CD99L2: variants seen among roughly 807,000 people sequenced by gnomAD.
CD99L2 encodes the protein CD99 molecule like 2.
In CD99L2, 24 loss-of-function variants were observed where a neutral mutation model predicts 27.3. That is an observed-to-expected ratio of 0.88 (90% CI 0.64 to 1.24). The LOEUF is 1.24. Ranked by LOEUF, CD99L2 falls within the 50% of genes most tolerant of loss-of-function variation. The pLI is 0.00. For synonymous variants in CD99L2, 97 were observed against 87.9 expected (o/e 1.10, Z -0.58); for missense variants, 255 against 221.6 (o/e 1.15, Z -0.96).
Position 150,842,622 on chromosome X carries a change from C to T in CD99L2, c.68-11329G>A, listed in dbSNP as rs781896971. Reference sequence around the variant, plus strand: ...CACTCAGTTCATCCTGAAAGTACAGCCATTCCAGTTAAGTGTTTTTGTGTG... The same window carrying T: ...CACTCAGTTCATCCTGAAAGTACAGTCATTCCAGTTAAGTGTTTTTGTGTG... On this transcript the variant is annotated intron_variant, in intron 1 of 10. Transcript: ENST00000370377. 8.0e-5 allele frequency among the ~76,000 whole-genome samples: 9 copies of T among 112,284 alleles called. No individual in the cohort carries two copies. The East Asian group carries it at 2.5e-3, about 31-fold the overall frequency.
chrX:150,766,698 C>G lies in CD99L2; in HGVS notation c.*2336G>C, dbSNP rs2043318912. ...CCCTCTCGCTTGGGACAGGCCCATG[C>G]TGGCCAGTGCAACCTTCAGATAGAC... is the stretch of plus-strand genomic sequence containing the variant. On this transcript the variant is annotated 3_prime_UTR_variant, in exon 11 of 11. Coordinates refer to ENST00000370377, the MANE Select transcript of CD99L2 (RefSeq NM_031462.4). The G allele has an allele frequency of 8.9e-6, 1 of 112,644 alleles. No individual in the cohort carries two copies. Among genetic ancestry groups the G allele is most frequent in the Non-Finnish European group, 1.9e-5 (1 of 53,358 alleles). The allele number at this position is 112,644 out of a possible 1,213,427, so 9.3% of individuals were successfully genotyped here.
intron 1 of CD99L2, among the ~76,000 whole-genome samples, chrX:150,856,817 G>GA (rs1335236173): frequency 2.4e-4 from 26 of 110,457 alleles, no homozygotes; most frequent in African/African-American, 8.2e-4. Flanking sequence ...TGATTCTAAA[G>GA]AAGTTCAGTG....
At chrX:150,860,875 C>T (rs797028410) in intron 1 of CD99L2, among the ~76,000 whole-genome samples, 4 of 110,532 alleles carry the variant, frequency 3.6e-5, no homozygotes, top group Admixed American at 9.6e-5. Flanking sequence ...TGGCCAGGCG[C>T]GGTGGCTCAT....
chrX:150,828,148 T>C (rs2046391940), intron 2 of CD99L2, among the ~76,000 whole-genome samples: 1 of 111,732 alleles, frequency 8.9e-6, no homozygotes, highest in African/African-American at 3.2e-5. Context: ...TATCCACTTC[T>C]GCAAAAAATC....
chrX:150,768,844 G>C lies in CD99L2; in HGVS notation c.*190C>G, dbSNP rs902153632. On this transcript the variant is annotated 3_prime_UTR_variant, in exon 11 of 11. Coordinates refer to ENST00000370377, the MANE Select transcript of CD99L2 (RefSeq NM_031462.4). Reference sequence around the variant, plus strand: ...GCTGGCTCTTGAATTTCGGCACCAAGTCTCAGCACGCTTGGGGCAGGGCAG... The same window carrying C: ...GCTGGCTCTTGAATTTCGGCACCAACTCTCAGCACGCTTGGGGCAGGGCAG... 48 of 949,565 alleles carry C rather than the reference G, an allele frequency of 5.1e-5. No individual in the cohort carries two copies. In the African/African-American group the frequency reaches 8.6e-4, roughly 17 times the overall value. The allele number at this position is 949,565 out of a possible 1,213,427, so 78.3% of individuals were successfully genotyped here. A position where few individuals can be genotyped will look rare whatever the true frequency, so the allele number is the denominator to read the frequency against.
At chrX:150,784,837 C>T (rs2045570145) in intron 7 of CD99L2, among the ~76,000 whole-genome samples, 1 of 112,100 alleles carries the variant, frequency 8.9e-6, no homozygotes, top group South Asian at 3.7e-4. Context: ...AGATAAACAC[C>T]ACCCGCTGTG....
At chrX:150,884,097 C>G (rs1353737238) in intron 1 of CD99L2, among the ~76,000 whole-genome samples, 1 of 112,146 alleles carries the variant, frequency 8.9e-6, no homozygotes, top group Non-Finnish European at 1.9e-5. Flanking sequence ...AGGAAATTCA[C>G]TTCTAGGTAT....
chrX:150,896,405 T>C (rs1438155147), intron 1 of CD99L2, among the ~76,000 whole-genome samples: 1 of 111,778 alleles, frequency 8.9e-6, no homozygotes, highest in Non-Finnish European at 1.9e-5. Context: ...CTCAAAAAAA[T>C]TAATTAATTA....
intron 1 of CD99L2, among the ~76,000 whole-genome samples, chrX:150,890,183 T>TAAATAAATAAATAAATAAAC (rs1337021005): frequency 1.1e-5 from 1 of 92,200 alleles, no homozygotes; most frequent in African/African-American, 4.7e-5. Context: ...AATAAATAAA[T>TAAATAAATAAATAAATAAAC]AAACTTGCTT....
chrX:150,897,329 G>A (rs1557423106), intron 1 of CD99L2, among the ~76,000 whole-genome samples: 1 of 112,500 alleles, frequency 8.9e-6, no homozygotes, highest in South Asian at 3.6e-4. Flanking sequence ...GTTCACTACC[G>A]CATCATCAGT....
intron 4 of CD99L2, among the ~76,000 whole-genome samples, chrX:150,797,412 T>C (rs1262567088): frequency 8.9e-6 from 1 of 112,050 alleles, no homozygotes; most frequent in African/African-American, 3.2e-5. Context: ...TGGACCAATT[T>C]CTCAAAAACC....
intron 4 of CD99L2, among the ~76,000 whole-genome samples, chrX:150,802,668 G>A (rs1309899263): frequency 1.4e-3 from 130 of 93,682 alleles, no homozygotes; most frequent in Non-Finnish European, 2.3e-3. Flanking sequence ...TGCAAGCTCT[G>A]CCTCCCAGGT....
rs1557420482 is a variant in CD99L2 at position 150,816,234 on chromosome X, G to T, written c.131-156C>A. 19 of 495,077 alleles carry T rather than the reference G, an allele frequency of 3.8e-5. No individual in the cohort carries two copies. In the South Asian group the frequency reaches 5.4e-4, roughly 14 times the overall value. 40.8% of individuals were successfully genotyped at this position (495,077 alleles called of 1,213,427 possible). On this transcript the variant is annotated intron_variant, in intron 2 of 10. Transcript: ENST00000370377. ...GAGCTCCAGAGAATCACACTGAAAA[G>T]GATGACAAAATGATATAGGTTTAAA... is the stretch of plus-strand genomic sequence containing the variant.
intron 1 of CD99L2, among the ~76,000 whole-genome samples, chrX:150,842,350 G>A (rs1557421375): frequency 9.0e-6 from 1 of 111,545 alleles, no homozygotes; most frequent in African/African-American, 3.3e-5. Flanking sequence ...ACCTCATGTT[G>A]CAATTTGACC....
chrX:150,802,683 G>A (rs111371035), intron 4 of CD99L2, among the ~76,000 whole-genome samples: 21 of 100,445 alleles, frequency 2.1e-4, no homozygotes, highest in African/African-American at 6.8e-4. Flanking sequence ...CCAGGTTCAC[G>A]CCATTCTCCT....
At chrX:150,852,070 G>C (rs1242753952) in intron 1 of CD99L2, among the ~76,000 whole-genome samples, 1 of 111,857 alleles carries the variant, frequency 8.9e-6, no homozygotes, top group African/African-American at 3.3e-5. Flanking sequence ...CTACTGCTTG[G>C]ATGAAAGAAC....
intron 1 of CD99L2, among the ~76,000 whole-genome samples, chrX:150,861,930 A>C (rs2046985736): frequency 9.2e-6 from 1 of 109,202 alleles, no homozygotes; most frequent in African/African-American, 3.3e-5. Context: ...AGAGAGAGAG[A>C]GAGAGAGTAC....
intron 2 of CD99L2, among the ~76,000 whole-genome samples, chrX:150,821,013 AT>A (rs1557420653): frequency 6.2e-5 from 7 of 112,444 alleles, no homozygotes; most frequent in Non-Finnish European, 5.6e-5. Flanking sequence ...CTGTTAAAAA[AT>A]TAAAGACCTA....
chrX:150,806,761 G>A (rs1042739861), intron 4 of CD99L2, among the ~76,000 whole-genome samples: 1 of 110,488 alleles, frequency 9.1e-6, no homozygotes, highest in Admixed American at 9.6e-5. Context: ...CGTGGTGGTG[G>A]GAGCCTGTAA....
Sources: gnomAD v4.1 joint callset for allele counts (sites outside exome capture counted in the v4.1 genomes callset) on GRCh38, gnomAD v4.1.1 for gene constraint, MANE v1.5 for transcripts, NCBI Gene and HGNC (gene_info 2026-07-23, HGNC 2026-07-21) for gene names.